The following KIF5C variants were observed in gnomAD, a reference collection of about 807,000 sequenced individuals.
KIF5C encodes kinesin heavy chain isoform 5C.
A neutral mutation model predicts 125.2 loss-of-function variants in KIF5C; 18 were observed. The ratio of observed to expected loss-of-function variants is 0.14; its 90% confidence interval spans 0.10 to 0.21. KIF5C has a LOEUF of 0.21. Among genes scored for constraint, KIF5C ranks in the 10% least tolerant of loss-of-function variants. The pLI is 1.00. For missense variants in KIF5C, 780 were observed against 1,183.8 expected (o/e 0.66, Z 5.01); for synonymous variants, 405 against 434.0 (o/e 0.93, Z 0.83).
At chr2:148,901,742 T>C (rs1219059474) in intron 1 of KIF5C, among the ~76,000 whole-genome samples, 1 of 152,162 alleles carries the variant, frequency 6.6e-6, no homozygotes, top group African/African-American at 2.4e-5. Flanking sequence ...CCTGTCACTG[T>C]AGCACTTGGT....
intron 8 of KIF5C, among the ~76,000 whole-genome samples, chr2:148,949,095 G>A (rs1439520789): frequency 6.6e-6 from 1 of 152,194 alleles, no homozygotes; most frequent in African/African-American, 2.4e-5. Context: ...CCAGTCAGCA[G>A]AGACATGAAT....
intron 8 of KIF5C, 149 bp downstream of exon 8, chr2:148,947,172 C>T: frequency 3.2e-6 from 4 of 1,243,384 alleles, no homozygotes; most frequent in Non-Finnish European, 4.3e-6. Flanking sequence ...TACATTTAAC[C>T]CTTTGTCCCT....
rs918383620 is a variant in KIF5C, at chr2:148,991,172, G to A, written c.1879G>A (p.Ala627Thr). 8 of 1,613,690 alleles carry A rather than the reference G, an allele frequency of 5.0e-6. No homozygotes were observed. Among genetic ancestry groups the A allele is most frequent in the Non-Finnish European group, 5.9e-6 (7 of 1,179,784 alleles). ...GATGAATGCCAGCGAGCGGGAGCTG[G>A]CAGCCTGCCAGCTGCTCATCTCCCA... is the stretch of plus-strand genomic sequence containing the variant. ...RKMNASERELAACQLLISQHE... is the reference protein window; with the variant it reads ...RKMNASERELTACQLLISQHE... The change falls in exon 16 of 26, where the codon GCA (alanine) becomes ACA (threonine). Residue 627 changes from alanine (A) to threonine (T), a missense_variant. Ala to Thr is a moderately conservative substitution (Grantham distance 58, BLOSUM62 0). This residue lies in a region of KIF5C where 573 missense variants were observed against 742.6 expected (regional missense o/e 0.77). Coordinates refer to ENST00000435030, the MANE Select transcript of KIF5C (RefSeq NM_004522.3).
chr2:148,913,821 A>G (rs1681439765), intron 1 of KIF5C, among the ~76,000 whole-genome samples: 1 of 151,866 alleles, frequency 6.6e-6, no homozygotes, highest in East Asian at 1.9e-4. Flanking sequence ...CCTCCATTCT[A>G]CCTTCTGTGA....
intron 11 of KIF5C, among the ~76,000 whole-genome samples, chr2:148,966,942 T>C (rs1201954534): frequency 6.6e-6 from 1 of 152,192 alleles, no homozygotes; most frequent in Non-Finnish European, 1.5e-5. Context: ...TCCAGAACTG[T>C]AAGTAATAAA....
intron 10 of KIF5C, among the ~76,000 whole-genome samples, chr2:148,958,191 G>A (rs1398697542): frequency 1.3e-5 from 2 of 152,066 alleles, no homozygotes; most frequent in Admixed American, 1.3e-4. Context: ...GTGAATATAT[G>A]TCCTCATTTC....
chr2:148,903,542 C>T (rs1000631383), intron 1 of KIF5C, among the ~76,000 whole-genome samples: 5 of 152,192 alleles, frequency 3.3e-5, no homozygotes, highest in African/African-American at 1.2e-4. Context: ...ATTTCCAAGG[C>T]CCGTCATGCA....
chr2:148,905,905 A>G (rs1400961428), intron 1 of KIF5C, among the ~76,000 whole-genome samples: 1 of 152,164 alleles, frequency 6.6e-6, no homozygotes, highest in Non-Finnish European at 1.5e-5. Context: ...TGTGCAGGGA[A>G]ACTCCTCTCT....
chr2:148,909,962 C>G lies in KIF5C; in HGVS notation c.127-12175C>G, dbSNP rs1681266787. 2.6e-5 allele frequency among the ~76,000 whole-genome samples: 4 copies of G among 152,328 alleles called. No individual in the cohort carries two copies. The South Asian group carries it at 8.3e-4, about 32-fold the overall frequency. Reference sequence around the variant, plus strand: ...ATATTATAATGCTAACCTTGGAGCACTGCTGTGGAGATTCATGGTAGTCTC... The same window carrying G: ...ATATTATAATGCTAACCTTGGAGCAGTGCTGTGGAGATTCATGGTAGTCTC... On this transcript the variant is annotated intron_variant, in intron 1 of 25. Transcript: ENST00000435030.
chr2:148,950,459 A>G lies in KIF5C; in HGVS notation c.965A>G (p.Gln322Arg). ...AETKSTLMFG[Q>R]RAKTIKNTVS... ...ACCAAGTCCACACTGATGTTCGGAC[A>G]GAGGTACGTGTGGTCTCTCAGGACC... Residue 322 changes from glutamine (Q) to arginine (R), a missense_variant, in exon 10 of 26, where the codon CAG (glutamine) becomes CGG (arginine). This residue lies in a region of KIF5C where 207 missense variants were observed against 441.2 expected (regional missense o/e 0.47). Coordinates refer to ENST00000435030, the MANE Select transcript of KIF5C (RefSeq NM_004522.3). The G allele has an allele frequency of 6.2e-7, 1 of 1,613,260 alleles. No homozygotes were observed. The highest frequency in any genetic ancestry group is 8.5e-7 in the Non-Finnish European group (1 of 1,179,512).
In KIF5C at chr2:148,875,351, G is replaced by T. The variant is rs532163803; in HGVS notation, c.-267G>T. On this transcript the variant is annotated 5_prime_UTR_variant, in exon 1 of 26. Coordinates refer to ENST00000435030, the MANE Select transcript of KIF5C (RefSeq NM_004522.3). Reference sequence around the variant, plus strand: ...CCGCGTGGTCGCGGGCAGGTGGGCCGGGGGGCGCTGGGCAGGGGCGGGGCA... The same window carrying T: ...CCGCGTGGTCGCGGGCAGGTGGGCCTGGGGGCGCTGGGCAGGGGCGGGGCA... The T allele has an allele frequency of 1.2e-4, 40 of 342,440 alleles. No individual in the cohort carries two copies. Among genetic ancestry groups the T allele is most frequent in the African/African-American group, 6.9e-4 (32 of 46,496 alleles). The allele number at this position is 342,440 out of a possible 1,614,324, so 21.2% of individuals were successfully genotyped here. A position where few individuals can be genotyped will look rare whatever the true frequency, so the allele number is the denominator to read the frequency against.
rs770095949 is a variant in KIF5C, at chr2:148,973,460, A to G, written c.1242A>G (p.Lys414=). The G allele has an allele frequency of 2.4e-5, 38 of 1,613,418 alleles. No homozygotes were observed. The highest frequency in any genetic ancestry group is 2.8e-5 in the Non-Finnish European group (33 of 1,179,686). ...PVVAGISTEE[K]EKYDEEISSL... ...TTGCTGGCATCTCTACAGAGGAGAA[A>G]GAGAAGTACGATGAGGAGATCTCCA... Residue 414 remains lysine, a synonymous_variant, in exon 12 of 26, where the codon AAA becomes AAG. Coordinates refer to ENST00000435030, the MANE Select transcript of KIF5C (RefSeq NM_004522.3).
chr2:148,908,193 T>G (rs1188465660), intron 1 of KIF5C, among the ~76,000 whole-genome samples: 4 of 152,222 alleles, frequency 2.6e-5, no homozygotes, highest in Non-Finnish European at 5.9e-5. Context: ...ACTGTCAACA[T>G]GCATTTTCCA....
rs1303780442 is a variant in KIF5C, at chr2:149,023,078, A to G, written c.*8A>G. The G allele has an allele frequency of 6.6e-6, 1 of 152,290 alleles. No individual in the cohort carries two copies. The highest frequency in any genetic ancestry group is 1.5e-5 in the Non-Finnish European group (1 of 68,032). 9.4% of individuals were successfully genotyped at this position (152,290 alleles called of 1,614,324 possible). A position where few individuals can be genotyped will look rare whatever the true frequency, so the allele number is the denominator to read the frequency against. On this transcript the variant is annotated splice_region_variant and 3_prime_UTR_variant, in exon 26 of 26. Transcript: ENST00000435030. ...TCTCTCTTTGGTTCTCTTTCAACAG[A>G]TATGACTCCACGTAGCATGTCAAGG... is the stretch of plus-strand genomic sequence containing the variant.
chr2:148,912,052 C>T (rs886454258), intron 1 of KIF5C, among the ~76,000 whole-genome samples: 15 of 152,126 alleles, frequency 9.9e-5, no homozygotes, highest in African/African-American at 2.7e-4. Flanking sequence ...TATTAACTAA[C>T]GAATCTGATA....
At chr2:148,919,080 T>A (rs1309140127) in intron 1 of KIF5C, among the ~76,000 whole-genome samples, 1 of 152,218 alleles carries the variant, frequency 6.6e-6, no homozygotes, top group East Asian at 1.9e-4. Context: ...ATGGCTCTTT[T>A]TTGGTCAGTT....
intron 1 of KIF5C, among the ~76,000 whole-genome samples, chr2:148,882,398 G>A (rs574322863): frequency 2.0e-4 from 31 of 152,256 alleles, no homozygotes; most frequent in African/African-American, 5.3e-4. Flanking sequence ...ACTGTTGTCC[G>A]GCTGATTAAT....
At chr2:148,927,745 T>C (rs886103468) in intron 2 of KIF5C, among the ~76,000 whole-genome samples, 29 of 152,130 alleles carry the variant, frequency 1.9e-4, no homozygotes, top group African/African-American at 7.0e-4. Flanking sequence ...TTTCTTGGAG[T>C]AAGTTGGCAT....
intron 10 of KIF5C, among the ~76,000 whole-genome samples, chr2:148,954,788 A>G (rs1682753211): frequency 1.3e-5 from 2 of 152,244 alleles, no homozygotes; most frequent in African/African-American, 2.4e-5. Flanking sequence ...GAGCCTGAAT[A>G]GTGTGCATAT....
Sources: allele counts gnomAD v4.1 joint callset (sites outside exome capture counted in the v4.1 genomes callset), GRCh38; gene constraint gnomAD v4.1.1; regional missense constraint gnomAD v4.1.1; transcripts MANE v1.5; gene names NCBI Gene and HGNC (gene_info 2026-07-23, HGNC 2026-07-21).